F13A1: variants seen among roughly 807,000 people sequenced by gnomAD.
The protein encoded by F13A1 is coagulation factor XIII A chain.
Under a neutral mutation model 80.1 loss-of-function variants are expected in F13A1, and 47 were observed. The ratio of observed to expected loss-of-function variants is 0.59; its 90% confidence interval spans 0.46 to 0.75. The LOEUF (loss-of-function observed/expected upper bound fraction) is 0.75, where lower values mean the gene tolerates loss of function less well. F13A1 is among the 30% of genes least tolerant of loss of function. F13A1 has a pLI of 0.00. For missense variants in F13A1, 817 were observed against 930.4 expected (o/e 0.88, Z 1.59); for synonymous variants, 349 against 344.9 (o/e 1.01, Z -0.13).
chr6:6,155,585 C>G (rs989003677), intron 13 of F13A1, among the ~76,000 whole-genome samples: 2 of 152,060 alleles, frequency 1.3e-5, no homozygotes, highest in African/African-American at 2.4e-5. Context: ...TCCCTGACTA[C>G]TGATGATAAT....
chr6:6,150,267 G>A (rs1429891961), intron 14 of F13A1, among the ~76,000 whole-genome samples: 2 of 152,184 alleles, frequency 1.3e-5, no homozygotes, highest in Non-Finnish European at 1.5e-5. Context: ...GGGAAGGTGC[G>A]AGAATGGGTG....
chr6:6,261,410 G>T (rs1757779467), intron 4 of F13A1, among the ~76,000 whole-genome samples: 1 of 152,166 alleles, frequency 6.6e-6, no homozygotes, highest in Non-Finnish European at 1.5e-5. Context: ...TGCTCTGGGG[G>T]CCATGCCCAG....
At position 6,250,915 on chromosome 6, in the gene F13A1, G is replaced by T. The variant is rs778745917; in HGVS notation, c.586C>A (p.Leu196Met). 6.2e-7 allele frequency: 1 copy of T among 1,610,002 alleles called. No individual in the cohort carries two copies. The highest frequency in any genetic ancestry group is 1.1e-5 in the South Asian group (1 of 91,024). The change falls in exon 5 of 15, where the codon CTG becomes ATG. Residue 196 changes from leucine to methionine, a missense_variant. Coordinates refer to ENST00000264870, the MANE Select transcript of F13A1 (RefSeq NM_000129.4). This position sits in a 1 kb window ranked among gnomAD's most constrained non-coding sequence, Gnocchi z 4.2. ...NPWCEDDAVY[L>M]DNEKEREEYV... ...TCTTCTCTTTCTTTCTCATTGTCCA[G>T]ATACACAGCATCATCTGCATCAGGG...
intron 6 of F13A1, among the ~76,000 whole-genome samples, chr6:6,233,877 A>G (rs1173444126): frequency 6.6e-6 from 1 of 152,114 alleles, no homozygotes; most frequent in Non-Finnish European, 1.5e-5. Context: ...ATTCAGAAAA[A>G]GCATTCAACA....
intron 6 of F13A1, among the ~76,000 whole-genome samples, chr6:6,240,493 T>C (rs1003431934): frequency 6.6e-6 from 1 of 151,996 alleles, no homozygotes; most frequent in East Asian, 1.9e-4. Context: ...CCAGGGGAAA[T>C]AGAACATTGT....
chr6:6,241,934 A>C (rs1386327517), intron 6 of F13A1, among the ~76,000 whole-genome samples: 1 of 152,214 alleles, frequency 6.6e-6, no homozygotes, highest in Non-Finnish European at 1.5e-5. Flanking sequence ...CTATAAGATG[A>C]CCAAGTAAAC....
intron 10 of F13A1, among the ~76,000 whole-genome samples, chr6:6,187,315 T>C (rs371210426): frequency 4.6e-5 from 4 of 87,794 alleles, no homozygotes; most frequent in Non-Finnish European, 6.5e-5. Context: ...TCAAAGGGAA[T>C]GCTTCCAGTT....
chr6:6,170,157 C>A (rs774418566), intron 12 of F13A1, among the ~76,000 whole-genome samples: 1 of 152,100 alleles, frequency 6.6e-6, no homozygotes, highest in African/African-American at 2.4e-5. Flanking sequence ...TGGAAGGCCT[C>A]GAAGAAGATG....
At chr6:6,212,643 C>A (rs937644005) in intron 8 of F13A1, among the ~76,000 whole-genome samples, 2 of 152,236 alleles carry the variant, frequency 1.3e-5, no homozygotes, top group Admixed American at 6.5e-5. Context: ...CAAAGGAATG[C>A]AGTTCCTCAC....
At chr6:6,299,937 T>C (rs1171142139) in intron 3 of F13A1, among the ~76,000 whole-genome samples, 1 of 147,492 alleles carries the variant, frequency 6.8e-6, no homozygotes, top group South Asian at 2.1e-4. Flanking sequence ...GGTGTGGATG[T>C]CCTTTCTGTT....
chr6:6,177,909 C>T (rs907528694), intron 11 of F13A1, among the ~76,000 whole-genome samples: 1 of 152,072 alleles, frequency 6.6e-6, no homozygotes, highest in Non-Finnish European at 1.5e-5. Context: ...GTTGGAGGAA[C>T]TGCTGGCAGG....
chr6:6,320,519 A>G, intron 1 of F13A1, 68 bp downstream of exon 1: 1 of 381,872 alleles, frequency 2.6e-6, no homozygotes, highest in Non-Finnish European at 5.5e-6. Flanking sequence ...TGGTTCAACC[A>G]GGAAACCGAG....
At chr6:6,318,178 A>C (rs972105518) in intron 2 of F13A1, among the ~76,000 whole-genome samples, 4 of 152,250 alleles carry the variant, frequency 2.6e-5, no homozygotes, top group Non-Finnish European at 4.4e-5. Flanking sequence ...TGGAAGTGGA[A>C]TATTCCAGCT....
rs188215918 is a variant in F13A1, at chr6:6,196,561, G to A, written c.1216+662C>T. 7.1e-4 allele frequency among the ~76,000 whole-genome samples: 108 copies of A among 152,246 alleles called. 1 individual carries two copies. Among genetic ancestry groups the A allele is most frequent in the African/African-American group, 2.5e-3 (102 of 41,534 alleles). ...GTTTCAGTATGAATATCCATTGAAT[G>A]TTTATGCATGTTCCTGTGTGTGCCC... On this transcript the variant is annotated intron_variant, in intron 9 of 14. Coordinates refer to ENST00000264870, the MANE Select transcript of F13A1 (RefSeq NM_000129.4).
At chr6:6,272,873 A>G (rs978098164) in intron 3 of F13A1, among the ~76,000 whole-genome samples, 2 of 152,222 alleles carry the variant, frequency 1.3e-5, no homozygotes, top group African/African-American at 4.8e-5. Context: ...CTTTAAATCA[A>G]TAGAATAATA....
At chr6:6,290,819 A>T (rs2113156656) in intron 3 of F13A1, among the ~76,000 whole-genome samples, 1 of 152,374 alleles carries the variant, frequency 6.6e-6, no homozygotes, top group South Asian at 2.1e-4. Context: ...TTGCTTCAAA[A>T]TGATGAAATA....
intron 11 of F13A1, among the ~76,000 whole-genome samples, chr6:6,177,755 A>T (rs1414767046): frequency 6.6e-6 from 1 of 152,174 alleles, no homozygotes; most frequent in Non-Finnish European, 1.5e-5. Context: ...ACACGTGAAG[A>T]GCAATGGCAG....
intron 3 of F13A1, among the ~76,000 whole-genome samples, chr6:6,287,678 G>A (rs567279274): frequency 6.6e-6 from 1 of 152,328 alleles, no homozygotes; most frequent in South Asian, 2.1e-4. Context: ...CAGACATGAT[G>A]TGGGTGACAG....
At chr6:6,193,449 C>A (rs1407098888) in intron 10 of F13A1, among the ~76,000 whole-genome samples, 1 of 152,112 alleles carries the variant, frequency 6.6e-6, no homozygotes, top group African/African-American at 2.4e-5. Flanking sequence ...ATATGACACT[C>A]CCCATGGGGT....
Sources: gnomAD v4.1 joint callset for allele counts (sites outside exome capture counted in the v4.1 genomes callset) on GRCh38, gnomAD v4.1.1 for gene constraint, Gnocchi (gnomAD v3.1) non-coding constraint, MANE v1.5 for transcripts, NCBI Gene and HGNC (gene_info 2026-07-23, HGNC 2026-07-21) for gene names.